WWOX: variants seen among roughly 807,000 people sequenced by gnomAD.
WWOX encodes WW domain-containing oxidoreductase.
WWOX carries 69 observed loss-of-function variants against 46.2 expected under a neutral mutation model. The ratio of observed to expected loss-of-function variants is 1.49; its 90% confidence interval spans 1.23 to 1.82. The LOEUF (loss-of-function observed/expected upper bound fraction) is 1.82, where lower values mean the gene tolerates loss of function less well. Ranked by LOEUF, WWOX falls within the 40% of genes most tolerant of loss-of-function variation. WWOX has a pLI of 0.00. For missense variants in WWOX, 919 were observed against 542.6 expected, an observed-to-expected ratio of 1.69 and a Z score of -6.89; for synonymous variants, 359 against 202.6, an observed-to-expected ratio of 1.77 and a Z score of -6.56.
At chr16:79,173,653 C>A (rs541909611) in intron 8 of WWOX, among the ~76,000 whole-genome samples, 394 of 148,742 alleles carry the variant, frequency 2.6e-3, no homozygotes, top group Middle Eastern at 3.5e-3. Flanking sequence ...AAAAAAAAAA[C>A]CCACCTAGTG....
At chr16:78,346,386 T>C (rs909615291) in intron 5 of WWOX, among the ~76,000 whole-genome samples, 1 of 114,268 alleles carries the variant, frequency 8.8e-6, no homozygotes, top group Non-Finnish European at 2.1e-5. Flanking sequence ...TGTGGACATA[T>C]ATCTGTTTTA....
intron 8 of WWOX, chr16:79,204,647 C>G (rs755497862): frequency 3.9e-5 from 6 of 152,210 alleles, no homozygotes; most frequent in Non-Finnish European, 7.3e-5. Context: ...CTTGGAAACA[C>G]AGGCCCTGAG....
chr16:78,110,156 A>G (rs998349124), intron 3 of WWOX, among the ~76,000 whole-genome samples: 3 of 152,004 alleles, frequency 2.0e-5, no homozygotes, highest in Non-Finnish European at 2.9e-5. Context: ...TCTGGCCAAC[A>G]TGGTGAAACT....
chr16:78,892,734 C>T (rs2044618219), intron 8 of WWOX, among the ~76,000 whole-genome samples: 1 of 152,154 alleles, frequency 6.6e-6, no homozygotes, highest in Non-Finnish European at 1.5e-5. Context: ...GAGCCGGTGT[C>T]CTGTTGATGG....
rs111410372 is a variant in WWOX, at chr16:79,116,982, A to C, written c.1057-94626A>C. Among the ~76,000 whole-genome samples the C allele has an allele frequency of 8.5e-3, 1,295 of 152,242 alleles. 15 individuals are homozygous for C. Among genetic ancestry groups the C allele is most frequent in the African/African-American group, 0.03 (1,232 of 41,546 alleles). On this transcript the variant is annotated intron_variant, in intron 8 of 8. Transcript: ENST00000566780. ...TATTAGCAGGCATGGAAACTACATT[A>C]ATCTTGTACATCTCCATCAGAGCTC...
intron 8 of WWOX, among the ~76,000 whole-genome samples, chr16:79,060,770 C>T (rs2048344542): frequency 6.6e-6 from 1 of 152,200 alleles, no homozygotes; most frequent in Non-Finnish European, 1.5e-5. Flanking sequence ...TTTTTTAAGA[C>T]TCTCAGTCTC....
intron 4 of WWOX, among the ~76,000 whole-genome samples, chr16:78,154,907 A>T (rs1286451894): frequency 6.6e-6 from 1 of 152,130 alleles, no homozygotes; most frequent in African/African-American, 2.4e-5. Context: ...TTCCTGAATA[A>T]TGTGCACTGA....
At chr16:78,783,621 A>G (rs2050382770) in intron 8 of WWOX, among the ~76,000 whole-genome samples, 2 of 152,212 alleles carry the variant, frequency 1.3e-5, no homozygotes, top group African/African-American at 4.8e-5. Context: ...TGTGTGGTAC[A>G]AAGGATGTGC....
At position 79,211,657 on chromosome 16, in the gene WWOX, A is replaced by G; in HGVS notation, c.1106A>G (p.Glu369Gly). 6.2e-7 allele frequency: 1 copy of G among 1,614,158 alleles called. No homozygotes were observed. Among genetic ancestry groups the G allele is most frequent in the Non-Finnish European group, 8.5e-7 (1 of 1,180,024 alleles). Residue 369 changes from glutamate (E) to glycine (G), a missense_variant, in exon 9 of 9, where the codon GAG (glutamate) becomes GGG (glycine). Physicochemically the swap from Glu to Gly is moderately conservative, Grantham distance 98. Transcript: ENST00000566780. ...TACTGTGCTGCTGTCCCAGAACTGG[A>G]GGGTCTGGGAGGGATGTACTTCAAC... ...TVYCAAVPEL[E>G]GLGGMYFNNC...
chr16:79,210,575 C>T (rs912555807), intron 8 of WWOX, among the ~76,000 whole-genome samples: 2 of 152,192 alleles, frequency 1.3e-5, no homozygotes, highest in African/African-American at 4.8e-5. Context: ...CCCTCTCCCT[C>T]TCATCAGCTG....
At chr16:79,189,686 T>C (rs926864619) in intron 8 of WWOX, among the ~76,000 whole-genome samples, 1 of 151,934 alleles carries the variant, frequency 6.6e-6, no homozygotes, top group Admixed American at 6.6e-5. Flanking sequence ...TGACAATAGA[T>C]GTTAGCTAGG....
chr16:78,191,301 C>G (rs2035876355), intron 5 of WWOX, among the ~76,000 whole-genome samples: 1 of 152,146 alleles, frequency 6.6e-6, no homozygotes, highest in African/African-American at 2.4e-5. Context: ...GGATTTAGCC[C>G]TACCTTGCTT....
chr16:78,376,609 G>C lies in WWOX; in HGVS notation c.517-10251G>C, dbSNP rs755043283. ...ACGCAGGCATCCTCGGGACTATTGA[G>C]GCCAGATAATCCTTTGTTATGGGGG... On this transcript the variant is annotated intron_variant, in intron 5 of 8. Transcript: ENST00000566780. Among the ~76,000 whole-genome samples the C allele has an allele frequency of 3.9e-5, 6 of 152,294 alleles. No individual in the cohort carries two copies. In the South Asian group the frequency reaches 1.2e-3, roughly 32 times the overall value.
At chr16:78,983,729 G>A (rs28483771) in intron 8 of WWOX, among the ~76,000 whole-genome samples, 27,611 of 152,070 alleles carry the variant, frequency 0.18, 3,094 homozygotes, top group East Asian at 0.51. Flanking sequence ...GGTCAATAAG[G>A]CATTTCAGGA....
intron 8 of WWOX, among the ~76,000 whole-genome samples, chr16:78,611,792 A>T (rs1445546849): frequency 1.3e-5 from 2 of 152,140 alleles, no homozygotes; most frequent in Admixed American, 1.3e-4. Flanking sequence ...CAGTCAAGGA[A>T]CGTATTGTTG....
At chr16:79,106,112 A>T (rs2049302836) in intron 8 of WWOX, 1 of 152,232 alleles carries the variant, frequency 6.6e-6, no homozygotes, top group Admixed American at 6.5e-5. Flanking sequence ...GGAATTTGTT[A>T]GAAATGGAAA....
chr16:78,817,956 C>G (rs2051384602), intron 8 of WWOX, among the ~76,000 whole-genome samples: 1 of 152,100 alleles, frequency 6.6e-6, no homozygotes, highest in South Asian at 2.1e-4. Context: ...GAACACGTGC[C>G]TTGGAATTAA....
chr16:78,603,090 T>C (rs1253320907), intron 8 of WWOX, among the ~76,000 whole-genome samples: 5 of 152,236 alleles, frequency 3.3e-5, no homozygotes, highest in African/African-American at 1.2e-4. Context: ...GTTTTATTTG[T>C]TTATTTATTT....
At chr16:78,327,500 CATG>C (rs2080651891) in intron 5 of WWOX, among the ~76,000 whole-genome samples, 1 of 152,182 alleles carries the variant, frequency 6.6e-6, no homozygotes, top group Non-Finnish European at 1.5e-5. Context: ...GAAGCTCTAT[CATG>C]CTTGTAGAAC....
Sources: gnomAD v4.1 joint callset for allele counts (sites outside exome capture counted in the v4.1 genomes callset) on GRCh38, gnomAD v4.1.1 for gene constraint, MANE v1.5 for transcripts, NCBI Gene and HGNC (gene_info 2026-07-23, HGNC 2026-07-21) for gene names.